The following CHD9 variants were observed in gnomAD, a reference collection of about 807,000 sequenced individuals.
The protein encoded by CHD9 is chromodomain helicase DNA binding protein 9.
A neutral mutation model predicts 316.1 loss-of-function variants in CHD9; 77 were observed. The observed-to-expected ratio is 0.24, with a 90% CI of 0.20 to 0.29. The LOEUF (loss-of-function observed/expected upper bound fraction) is 0.29, where lower values mean the gene tolerates loss of function less well. Ranked by LOEUF, CHD9 falls within the 10% of genes least tolerant of loss-of-function variation. The pLI, the probability that CHD9 is intolerant of heterozygous loss-of-function variation, is 1.00. For missense variants in CHD9, 2,763 were observed against 3,438.1 expected, an observed-to-expected ratio of 0.80 and a Z score of 4.91; for synonymous variants, 1,129 against 1,158.3, an observed-to-expected ratio of 0.97 and a Z score of 0.51.
intron 15 of CHD9, among the ~76,000 whole-genome samples, chr16:53,246,500 G>GT (rs1165304554): frequency 7.1e-6 from 1 of 141,204 alleles, no homozygotes; most frequent in East Asian, 2.1e-4. Context: ...CTTTTTCTGT[G>GT]TTTTTTTGTT....
At chr16:53,293,430 C>CA (rs1391934317) in intron 29 of CHD9, among the ~76,000 whole-genome samples, 1 of 151,634 alleles carries the variant, frequency 6.6e-6, no homozygotes, top group Non-Finnish European at 1.5e-5. Context: ...GCCCTGGCAA[C>CA]AAAGCAAGAC....
chr16:53,251,276 T>G (rs1339151024), intron 17 of CHD9, among the ~76,000 whole-genome samples: 1 of 152,222 alleles, frequency 6.6e-6, no homozygotes, highest in Admixed American at 6.5e-5. Flanking sequence ...CATAATTGTT[T>G]GCCTTTGAAA....
intron 10 of CHD9, among the ~76,000 whole-genome samples, chr16:53,233,705 G>A (rs1003937698): frequency 5.9e-5 from 9 of 151,864 alleles, no homozygotes; most frequent in African/African-American, 2.2e-4. Context: ...GAATCTATCA[G>A]TCAGGAATAT....
chr16:53,310,861 A>C (rs1376079624), intron 34 of CHD9: 3 of 133,216 alleles, frequency 2.3e-5, no homozygotes, highest in African/African-American at 8.6e-5. Context: ...CAAAAACAAT[A>C]ATAATAATAA....
chr16:53,192,262 C>T (rs1160103086), intron 2 of CHD9, among the ~76,000 whole-genome samples: 2 of 152,176 alleles, frequency 1.3e-5, no homozygotes, highest in African/African-American at 2.4e-5. Context: ...CATACAACAC[C>T]GACTCCTGAA....
chr16:53,227,404 G>T lies in CHD9; in HGVS notation c.2052G>T (p.Pro684=). ...TTTCCTCCCTCCCATAGGAGAATCC[G>T]AGTGAAGAAGATGCTGCAATTGTAG... The part of the protein sequence containing the change: ...EQPLQLFVEN[P]SEEDAAIVDK... Residue 684 remains proline (P), a synonymous_variant, in exon 6 of 39, where the codon CCG becomes CCT. Coordinates refer to ENST00000447540, the MANE Select transcript of CHD9 (RefSeq NM_001308319.2). The T allele has an allele frequency of 1.3e-6, 2 of 1,562,986 alleles. No individual in the cohort carries two copies. The highest frequency in any genetic ancestry group is 1.2e-5 in the South Asian group (1 of 83,362).
At chr16:53,188,511 G>A (rs1183870501) in intron 2 of CHD9, among the ~76,000 whole-genome samples, 1 of 148,042 alleles carries the variant, frequency 6.8e-6, no homozygotes, top group Non-Finnish European at 1.5e-5. Flanking sequence ...AGCCATCTTG[G>A]TATAAAGTAA....
At chr16:53,186,806 C>G (rs1214716389) in intron 2 of CHD9, among the ~76,000 whole-genome samples, 1 of 152,172 alleles carries the variant, frequency 6.6e-6, no homozygotes, top group Non-Finnish European at 1.5e-5. Context: ...GCTTGGCCCT[C>G]ACTTTCTCTT....
chr16:53,136,362 A>G (rs1214501192), intron 1 of CHD9, among the ~76,000 whole-genome samples: 1 of 152,192 alleles, frequency 6.6e-6, no homozygotes, highest in African/African-American at 2.4e-5. Context: ...AGTATAAAGA[A>G]TATTCAATTT....
At chr16:53,212,757 A>G (rs1272139054) in intron 3 of CHD9, among the ~76,000 whole-genome samples, 1 of 152,154 alleles carries the variant, frequency 6.6e-6, no homozygotes, top group Non-Finnish European at 1.5e-5. Flanking sequence ...TTCAGATTCC[A>G]GTTTCATCAC....
chr16:53,259,159 C>T (rs1023207883), intron 19 of CHD9, among the ~76,000 whole-genome samples: 1 of 152,168 alleles, frequency 6.6e-6, no homozygotes, highest in South Asian at 2.1e-4. Flanking sequence ...TTGCTTGTCA[C>T]AATCCTTGAG....
At chr16:53,109,432 T>A (rs1472840705) in intron 1 of CHD9, among the ~76,000 whole-genome samples, 2 of 151,992 alleles carry the variant, frequency 1.3e-5, no homozygotes, top group East Asian at 3.9e-4. Context: ...AAGCAGCATT[T>A]TTTTTTTCTC....
intron 19 of CHD9, among the ~76,000 whole-genome samples, chr16:53,260,112 A>T (rs2050955321): frequency 6.6e-6 from 1 of 152,338 alleles, no homozygotes; most frequent in South Asian, 2.1e-4. Context: ...TTGTTTTAAC[A>T]TACTTATTTT....
intron 2 of CHD9, among the ~76,000 whole-genome samples, chr16:53,201,620 T>G (rs987893260): frequency 2.0e-5 from 3 of 152,254 alleles, no homozygotes; most frequent in African/African-American, 7.2e-5. Flanking sequence ...ATTTTTAAAT[T>G]TCTTTATTAT....
At chr16:53,274,914 T>C (rs529515177) in intron 24 of CHD9, among the ~76,000 whole-genome samples, 3 of 152,292 alleles carry the variant, frequency 2.0e-5, no homozygotes, top group South Asian at 2.1e-4. Context: ...CTTTTATTGC[T>C]CTCATCTTGG....
At chr16:53,149,954 A>G (rs2040961774) in intron 1 of CHD9, among the ~76,000 whole-genome samples, 1 of 151,496 alleles carries the variant, frequency 6.6e-6, no homozygotes, top group Admixed American at 6.6e-5. Flanking sequence ...ATATTTTTTC[A>G]TTTCTTGTTT....
chr16:53,225,293 T>C (rs73599604), intron 4 of CHD9, among the ~76,000 whole-genome samples: 4,924 of 151,994 alleles, frequency 0.032, 98 homozygotes, highest in Middle Eastern at 0.071. Context: ...ATAGAAGAAA[T>C]TGGACTAGAA....
In CHD9 at chr16:53,105,077, G is replaced by A. The variant is rs191415924; in HGVS notation, c.-165+50000G>A. 1.1e-3 allele frequency among the ~76,000 whole-genome samples: 167 copies of A among 152,028 alleles called. 2 individuals carry two copies. In the East Asian group the frequency reaches 0.02, roughly 18 times the overall value. On this transcript the variant is annotated intron_variant, in intron 1 of 38. Transcript: ENST00000447540. ...AGCCTGGTCTTGAACTATTGTCCTC[G>A]AGCAATCCTCCCACCTTGGCCTCCC... is the stretch of plus-strand genomic sequence containing the variant.
intron 11 of CHD9, among the ~76,000 whole-genome samples, chr16:53,237,034 C>CCT (rs1446198206): frequency 6.6e-6 from 1 of 151,998 alleles, no homozygotes. Context: ...TTTTTATTTG[C>CCT]CTCTTGCTAC....
Sources: gnomAD v4.1 joint callset for allele counts (sites outside exome capture counted in the v4.1 genomes callset) on GRCh38, gnomAD v4.1.1 for gene constraint, MANE v1.5 for transcripts, NCBI Gene and HGNC (gene_info 2026-07-23, HGNC 2026-07-21) for gene names.